The following SH3PXD2A variants were observed in gnomAD, a reference collection of about 807,000 sequenced individuals.
SH3PXD2A encodes SH3 and PX domains 2A.
In SH3PXD2A, 32 loss-of-function variants were observed where a neutral mutation model predicts 115.2. The ratio of observed to expected loss-of-function variants is 0.28; its 90% CI spans 0.21 to 0.37. The LOEUF (loss-of-function observed/expected upper bound fraction) is 0.37. SH3PXD2A is among the 10% of genes least tolerant of loss of function. The probability of loss-of-function intolerance (pLI) is 1.00; values close to 1 mark genes in which losing one functional copy is unlikely to be tolerated. For synonymous variants in SH3PXD2A, 610 were observed against 629.1 expected, an observed-to-expected ratio of 0.97 and a Z score of 0.45; for missense variants, 1,328 against 1,498.7, an observed-to-expected ratio of 0.89 and a Z score of 1.88.
At chr10:103,769,057 G>A (rs1020108815) in intron 2 of SH3PXD2A, among the ~76,000 whole-genome samples, 6 of 151,580 alleles carry the variant, frequency 4.0e-5, no homozygotes, top group African/African-American at 7.3e-5. Context: ...GCCCACCTCC[G>A]ACACCAGGTA....
At chr10:103,735,836 G>A (rs754229306) in intron 3 of SH3PXD2A, 28 bp from the exon 4 acceptor site, 2 of 1,593,644 alleles carry the variant, frequency 1.3e-6, no homozygotes, top group Non-Finnish European at 8.6e-7. Context: ...ATGAGTGGGG[G>A]ATTCTGGCTA....
Position 103,636,034 on chromosome 10 carries a change from G to A in SH3PXD2A, c.605-8832C>T, listed in dbSNP as rs188185017. Among the ~76,000 whole-genome samples the A allele has an allele frequency of 2.1e-3, 324 of 152,288 alleles. 2 individuals carry two copies. Among genetic ancestry groups the A allele is most frequent in the Non-Finnish European group, 3.8e-3 (258 of 68,016 alleles). Reference sequence around the variant, plus strand: ...CCAGGCTAAGCATCTTCAGTGAACCGGCCCAGCAGAGTCCACCTGTTTGGC... The same window carrying A: ...CCAGGCTAAGCATCTTCAGTGAACCAGCCCAGCAGAGTCCACCTGTTTGGC... On this transcript the variant is annotated intron_variant, in intron 8 of 14. Coordinates refer to ENST00000369774, the MANE Select transcript of SH3PXD2A (RefSeq NM_001394015.1).
chr10:103,837,357 G>A (rs1302139140), intron 1 of SH3PXD2A, among the ~76,000 whole-genome samples: 6 of 152,302 alleles, frequency 3.9e-5, no homozygotes, highest in Non-Finnish European at 1.5e-5. Context: ...AGCAGGAGAA[G>A]TTTGCTATCC....
At chr10:103,730,721 C>T (rs2038306121) in intron 4 of SH3PXD2A, among the ~76,000 whole-genome samples, 1 of 152,092 alleles carries the variant, frequency 6.6e-6, no homozygotes, top group African/African-American at 2.4e-5. Flanking sequence ...TGGACAATCC[C>T]TTAGGGCTGG....
chr10:103,621,565 G>A (rs755178135), intron 10 of SH3PXD2A, among the ~76,000 whole-genome samples: 3 of 152,190 alleles, frequency 2.0e-5, no homozygotes, highest in Non-Finnish European at 2.9e-5. Flanking sequence ...GGGTGTCCCC[G>A]CTTCCAGAAA....
chr10:103,698,221 G>A (rs910982858), intron 5 of SH3PXD2A, among the ~76,000 whole-genome samples: 10 of 152,212 alleles, frequency 6.6e-5, no homozygotes, highest in Non-Finnish European at 1.0e-4. Context: ...GAGGAAAGGG[G>A]GCTGGGCCTG....
chr10:103,769,183 C>T (rs111966897), intron 2 of SH3PXD2A, among the ~76,000 whole-genome samples: 89 of 132,766 alleles, frequency 6.7e-4, no homozygotes, highest in East Asian at 1.3e-3. Flanking sequence ...TGTGTGTGTG[C>T]GCGCGCGCGC....
At chr10:103,671,499 C>G (rs2037458930) in intron 6 of SH3PXD2A, among the ~76,000 whole-genome samples, 1 of 152,208 alleles carries the variant, frequency 6.6e-6, no homozygotes, top group Admixed American at 6.5e-5. Context: ...AAACCTCTCT[C>G]TAAAACATGA....
rs112391779 is a variant in SH3PXD2A at position 103,761,808 on chromosome 10, T to C, written c.229+5286A>G. ...GACAAAGACAGAGTCTAGCTGAGGC[T>C]GTTGTGGCAATTCCTTCTTGCCCAA... On this transcript the variant is annotated intron_variant, in intron 3 of 14. Coordinates refer to ENST00000369774, the MANE Select transcript of SH3PXD2A (RefSeq NM_001394015.1). Among the ~76,000 whole-genome samples, 1,281 of 152,254 alleles carry C rather than the reference T, an allele frequency of 8.4e-3. 20 individuals are homozygous for C. The highest frequency in any genetic ancestry group is 0.029 in the African/African-American group (1,208 of 41,534).
chr10:103,736,815 A>C (rs1231604274), intron 3 of SH3PXD2A: 1 of 1,287,336 alleles, frequency 7.8e-7, no homozygotes, highest in Admixed American at 2.3e-5. Flanking sequence ...GCCTCAGTCT[A>C]CCTAATTTCC....
intron 10 of SH3PXD2A, among the ~76,000 whole-genome samples, chr10:103,618,246 T>C (rs6584562): frequency 0.84 from 127,702 of 152,204 alleles, 54,126 homozygotes; most frequent in East Asian, 1. Flanking sequence ...CCTGGTTTCT[T>C]TCAGCCTCTC....
intron 8 of SH3PXD2A, among the ~76,000 whole-genome samples, chr10:103,656,423 G>A (rs965464977): frequency 1.3e-5 from 2 of 152,234 alleles, no homozygotes; most frequent in African/African-American, 4.8e-5. Flanking sequence ...CAACTGAAAA[G>A]TCATGCAAGT....
At chr10:103,780,865 C>A (rs1010310675) in intron 2 of SH3PXD2A, among the ~76,000 whole-genome samples, 1 of 152,328 alleles carries the variant, frequency 6.6e-6, no homozygotes, top group Admixed American at 6.5e-5. Flanking sequence ...ATTTCATCTT[C>A]GGCTTCACAC....
At chr10:103,766,734 C>A (rs1469986928) in intron 3 of SH3PXD2A, among the ~76,000 whole-genome samples, 1 of 152,156 alleles carries the variant, frequency 6.6e-6, no homozygotes, top group Non-Finnish European at 1.5e-5. Context: ...TTAAGGTTAT[C>A]CGTGATTAGA....
At chr10:103,655,700 G>C (rs750839791) in intron 8 of SH3PXD2A, among the ~76,000 whole-genome samples, 3 of 149,996 alleles carry the variant, frequency 2.0e-5, no homozygotes, top group Non-Finnish European at 4.4e-5. Context: ...TTAATCCTGG[G>C]AGACAGAGGT....
chr10:103,834,550 G>A (rs1327018682), intron 1 of SH3PXD2A, among the ~76,000 whole-genome samples: 1 of 152,240 alleles, frequency 6.6e-6, no homozygotes, highest in Non-Finnish European at 1.5e-5. Context: ...TACTCTTTAA[G>A]TGAATTGGTC....
At chr10:103,767,675 C>G (rs112638157) in intron 2 of SH3PXD2A, among the ~76,000 whole-genome samples, 2 of 149,376 alleles carry the variant, frequency 1.3e-5, no homozygotes, top group African/African-American at 5.1e-5. Flanking sequence ...ATTGCAAAAC[C>G]AAATCCATCC....
chr10:103,789,487 G>C (rs1225212448), intron 2 of SH3PXD2A, among the ~76,000 whole-genome samples: 1 of 152,064 alleles, frequency 6.6e-6, no homozygotes, highest in Non-Finnish European at 1.5e-5. Flanking sequence ...AGCAGGAAGA[G>C]AGTGACCTGG....
Position 103,722,600 on chromosome 10 carries a change from CT to C in SH3PXD2A, c.398+1669del, listed in dbSNP as rs35815642. 3.9e-3 allele frequency among the ~76,000 whole-genome samples: 528 copies of C among 136,904 alleles called. 2 individuals are homozygous for C. The highest frequency in any genetic ancestry group is 0.012 in the Middle Eastern group (3 of 260). 89.8% of individuals were successfully genotyped at this position (136,904 alleles called of 152,430 possible). ...TACAGGTGTGAGCCAATATGCCTAG[CT>C]TTTTTTTTTTTTTTTTCAATCAGCT... On this transcript the variant is annotated intron_variant, in intron 5 of 14. Coordinates refer to ENST00000369774, the MANE Select transcript of SH3PXD2A (RefSeq NM_001394015.1).
Sources: allele counts gnomAD v4.1 joint callset (sites outside exome capture counted in the v4.1 genomes callset), GRCh38; gene constraint gnomAD v4.1.1; transcripts MANE v1.5; gene names NCBI Gene and HGNC (gene_info 2026-07-23, HGNC 2026-07-21).